HDAC2: variants seen among roughly 807,000 people sequenced by gnomAD.
HDAC2 encodes YY1-associated factor 1.
A neutral mutation model predicts 68.5 loss-of-function variants in HDAC2; 5 were observed. The ratio of observed to expected loss-of-function variants is 0.07; its 90% CI spans 0.04 to 0.15. The LOEUF (loss-of-function observed/expected upper bound fraction) is 0.15. Among genes scored for constraint, HDAC2 ranks in the 10% least tolerant of loss-of-function variants. HDAC2 has a pLI of 1.00. For synonymous variants in HDAC2, 182 were observed against 191.3 expected, an observed-to-expected ratio of 0.95 and a Z score of 0.40; for missense variants, 291 against 600.8, an observed-to-expected ratio of 0.48 and a Z score of 5.39.
At chr6:113,967,051 A>C (rs1345883343) in intron 1 of HDAC2, among the ~76,000 whole-genome samples, 1 of 152,238 alleles carries the variant, frequency 6.6e-6, no homozygotes, top group African/African-American at 2.4e-5. Flanking sequence ...ACTACTCATA[A>C]ATACAAGTCT....
At chr6:113,955,263 G>A (rs1402750908) in intron 5 of HDAC2, among the ~76,000 whole-genome samples, 1 of 151,862 alleles carries the variant, frequency 6.6e-6, no homozygotes, top group Non-Finnish European at 1.5e-5. Flanking sequence ...GCCCAGGCTG[G>A]ACTGCAGTGG....
Position 113,939,492 on chromosome 6 carries a change from A to T in HDAC2, c.*1566T>A, listed in dbSNP as rs527714211. 1 of 152,216 alleles carries T rather than the reference A, an allele frequency of 6.6e-6. No individual in the cohort carries two copies. Among genetic ancestry groups the T allele is most frequent in the South Asian group, 2.1e-4 (1 of 4,834 alleles). 9.4% of individuals were successfully genotyped at this position (152,216 alleles called of 1,614,324 possible). On this transcript the variant is annotated 3_prime_UTR_variant, in exon 14 of 14. Transcript: ENST00000519065. The stretch of plus-strand genomic sequence containing the variant: ...CAAAGTTACAGAATTGTCCAAATAC[A>T]TACCATCTATGTTTCACAAACACTA...
intron 6 of HDAC2, 197 bp from the exon 7 acceptor site, chr6:113,949,457 T>C (rs928141577): frequency 3.8e-5 from 22 of 572,850 alleles, no homozygotes; most frequent in Admixed American, 1.3e-4. Flanking sequence ...CCAATATTTA[T>C]AGACTGCTTG....
intron 1 of HDAC2, among the ~76,000 whole-genome samples, chr6:113,960,378 GTA>G (rs1776654617): frequency 6.6e-6 from 1 of 151,864 alleles, no homozygotes; most frequent in East Asian, 1.9e-4. Context: ...AGTTTTATTG[GTA>G]TGATTTAAAA....
intron 3 of HDAC2, 21 bp downstream of exon 3, chr6:113,958,628 A>G: frequency 8.5e-7 from 1 of 1,174,678 alleles, no homozygotes; most frequent in Admixed American, 2.0e-5. Flanking sequence ...AAGCAAAACT[A>G]CTTTTTACTT....
intron 13 of HDAC2, 23 bp from the exon 14 acceptor site, chr6:113,941,111 A>C: frequency 1.9e-6 from 3 of 1,600,100 alleles, no homozygotes; most frequent in Non-Finnish European, 2.6e-6. Context: ...GCAATGTGAA[A>C]TATTAAAAAT....
intron 1 of HDAC2, among the ~76,000 whole-genome samples, chr6:113,966,692 A>G (rs1776830199): frequency 6.6e-6 from 1 of 152,154 alleles, no homozygotes; most frequent in South Asian, 2.1e-4. Flanking sequence ...AGCTTATGTT[A>G]TAGTGAGGAG....
At position 113,938,760 on chromosome 6, in the gene HDAC2, T is replaced by C. The variant is rs1039564219; in HGVS notation, c.*2298A>G. ...TTCTTTACATATTATTTCTAAAAAT[T>C]TTGTTATTACAAATGGGGGTCTTTG... On this transcript the variant is annotated 3_prime_UTR_variant, in exon 14 of 14. Coordinates refer to ENST00000519065, the MANE Select transcript of HDAC2 (RefSeq NM_001527.4). 1 of 152,220 alleles carries C rather than the reference T, an allele frequency of 6.6e-6. No individual in the cohort carries two copies. The highest frequency in any genetic ancestry group is 1.5e-5 in the Non-Finnish European group (1 of 68,032). 9.4% of individuals were successfully genotyped at this position (152,220 alleles called of 1,614,324 possible).
chr6:113,963,198 C>T (rs1020046676), intron 1 of HDAC2, among the ~76,000 whole-genome samples: 1 of 151,796 alleles, frequency 6.6e-6, no homozygotes, highest in African/African-American at 2.4e-5. Flanking sequence ...ATTCTCCTGC[C>T]TCAGCCTCCC....
Position 113,941,098 on chromosome 6 carries a change from G to A in HDAC2, c.1437-10C>T, listed in dbSNP as rs1433537155. 2.5e-6 allele frequency: 4 copies of A among 1,606,348 alleles called. No homozygotes were observed. The highest frequency in any genetic ancestry group is 3.4e-6 in the Non-Finnish European group (4 of 1,175,898). On this transcript the variant is annotated splice_polypyrimidine_tract_variant and intron_variant, in intron 13 of 13. Transcript: ENST00000519065. ...CTGTTCTGATTTGGTTCTGTTAAAA[G>A]AGGCAATGTGAAATATTAAAAATGG...
chr6:113,951,249 G>A (rs1003172229), intron 6 of HDAC2, among the ~76,000 whole-genome samples: 1 of 152,120 alleles, frequency 6.6e-6, no homozygotes, highest in Admixed American at 6.5e-5. Flanking sequence ...TCAACAATGA[G>A]CTAAACTCAG....
intron 1 of HDAC2, among the ~76,000 whole-genome samples, chr6:113,960,357 T>TAA (rs1370780217): frequency 1.3e-5 from 2 of 152,082 alleles, no homozygotes; most frequent in Non-Finnish European, 2.9e-5. Context: ...CACATGCTTT[T>TAA]AAGTTCTCTG....
At chr6:113,961,747 C>T (rs964738495) in intron 1 of HDAC2, among the ~76,000 whole-genome samples, 1 of 152,118 alleles carries the variant, frequency 6.6e-6, no homozygotes, top group Admixed American at 6.6e-5. Flanking sequence ...TAAATTAATA[C>T]AAGGGAAGGC....
intron 11 of HDAC2, 35 bp from the exon 12 acceptor site, chr6:113,943,541 C>G: frequency 6.5e-7 from 1 of 1,547,378 alleles, no homozygotes; most frequent in Non-Finnish European, 8.7e-7. Flanking sequence ...TTGACAAAAA[C>G]AGTCACAGGT....
chr6:113,949,268 A>G lies in HDAC2; in HGVS notation c.640-8T>C. On this transcript the variant is annotated splice_polypyrimidine_tract_variant and splice_region_variant and intron_variant, in intron 6 of 13. Coordinates refer to ENST00000519065, the MANE Select transcript of HDAC2 (RefSeq NM_001527.4). The stretch of plus-strand genomic sequence containing the variant: ...TTTTCCAGCACCAATATCCTAAAAT[A>G]CATAATTAAACTGATCTTAGAGAAT... The G allele has an allele frequency of 6.9e-7, 1 of 1,446,044 alleles. No individual in the cohort carries two copies. Among genetic ancestry groups the G allele is most frequent in the Non-Finnish European group, 9.7e-7 (1 of 1,027,204 alleles). 89.6% of individuals were successfully genotyped at this position (1,446,044 alleles called of 1,614,324 possible).
chr6:113,967,650 T>G (rs767096246), intron 1 of HDAC2, among the ~76,000 whole-genome samples: 5 of 152,236 alleles, frequency 3.3e-5, no homozygotes, highest in Non-Finnish European at 5.9e-5. Flanking sequence ...GCCTCAAGAT[T>G]AATTCAAAAC....
rs761440609 is a variant in HDAC2, at chr6:113,944,280, T to G, written c.1222A>C (p.Ile408Leu). Residue 408 changes from isoleucine (I) to leucine (L), a missense_variant and splice_region_variant, in exon 11 of 14, where the codon ATT becomes CTT. Around this residue, in one of 2 missense-constraint regions of HDAC2, gnomAD observed 137 missense variants for 128.7 expected, o/e 1.06. Coordinates refer to ENST00000519065, the MANE Select transcript of HDAC2 (RefSeq NM_001527.4). ...TGGAAAAATAAAGGCATTATCTTAC[T>G]AGAAATTCTCTTGTCTGGATCTTCT... is the stretch of plus-strand genomic sequence containing the variant. ...DGEDPDKRIS[I>L]RASDKRIACD... The G allele has an allele frequency of 6.2e-7, 1 of 1,610,816 alleles. No individual in the cohort carries two copies. Among genetic ancestry groups the G allele is most frequent in the African/African-American group, 1.3e-5 (1 of 74,830 alleles).
At position 113,944,318 on chromosome 6, in the gene HDAC2, C is replaced by T. The variant is rs1192949799; in HGVS notation, c.1184G>A (p.Gly395Glu). 1.6e-5 allele frequency: 25 copies of T among 1,612,554 alleles called. No individual in the cohort carries two copies. Among genetic ancestry groups the T allele is most frequent in the Non-Finnish European group, 2.1e-5 (25 of 1,178,708 alleles). The stretch of plus-strand genomic sequence containing the variant: ...GTCTGGATCTTCTCCATCTTCATCT[C>T]CACTGTCTTCATGAACAGCATCTTC... ...IPEDAVHEDS[G>E]DEDGEDPDKR... The change falls in exon 11 of 14, where the codon GGA (glycine) becomes GAA (glutamate). Residue 395 changes from glycine to glutamate, a missense_variant. Physicochemically the swap from Gly to Glu is moderately conservative, Grantham distance 98. Coordinates refer to ENST00000519065, the MANE Select transcript of HDAC2 (RefSeq NM_001527.4).
intron 6 of HDAC2, among the ~76,000 whole-genome samples, chr6:113,949,517 C>T (rs1341545715): frequency 3.4e-5 from 2 of 59,552 alleles, no homozygotes; most frequent in African/African-American, 1.4e-4. Flanking sequence ...TTATTTTTGA[C>T]AGAAAAGAAA....
Sources: gnomAD v4.1 joint callset for allele counts (sites outside exome capture counted in the v4.1 genomes callset) on GRCh38, gnomAD v4.1.1 for gene constraint, gnomAD v4.1.1 regional missense constraint, MANE v1.5 for transcripts, NCBI Gene and HGNC (gene_info 2026-07-23, HGNC 2026-07-21) for gene names.